Variants in WASF2 observed in about 807,000 individuals in gnomAD.
WASF2 encodes the protein actin-binding protein WASF2.
WASF2 carries 14 observed loss-of-function variants against 45.0 expected under a neutral mutation model. The ratio of observed to expected loss-of-function variants is 0.31; its 90% CI spans 0.21 to 0.49. The LOEUF (loss-of-function observed/expected upper bound fraction) is 0.49, where lower values mean the gene tolerates loss of function less well. WASF2 is among the 20% of genes least tolerant of loss of function. The pLI, the probability that WASF2 is intolerant of heterozygous loss-of-function variation, is 0.99. For missense variants in WASF2, 439 were observed against 636.1 expected, an observed-to-expected ratio of 0.69 and a Z score of 3.33; for synonymous variants, 200 against 236.3, an observed-to-expected ratio of 0.85 and a Z score of 1.41.
chr1:27,469,067 G>A (rs974776762), intron 1 of WASF2, among the ~76,000 whole-genome samples: 1 of 152,156 alleles, frequency 6.6e-6, no homozygotes, highest in South Asian at 2.1e-4. Flanking sequence ...GAAATTAATT[G>A]TGGAAATTTG....
chr1:27,405,288 G>A lies in WASF2; in HGVS notation c.*2901C>T, dbSNP rs1374048416. ...CTGGCTGAGCCTGCCCCCTCCCCCA[G>A]GCTGCTCCTTTGGAATGTACCCATC... On this transcript the variant is annotated 3_prime_UTR_variant, in exon 9 of 9. Transcript: ENST00000618852. 6.6e-6 allele frequency: 1 copy of A among 152,172 alleles called. No individual in the cohort carries two copies. The highest frequency in any genetic ancestry group is 2.4e-5 in the African/African-American group (1 of 41,414). The allele number at this position is 152,172 out of a possible 1,614,324, so 9.4% of individuals were successfully genotyped here.
At chr1:27,439,840 A>G (rs994963347) in intron 1 of WASF2, among the ~76,000 whole-genome samples, 5 of 152,066 alleles carry the variant, frequency 3.3e-5, no homozygotes, top group Non-Finnish European at 7.4e-5. Context: ...CTCTACAAAA[A>G]AAATTAAAAG....
At chr1:27,430,747 C>A (rs1313248641) in intron 1 of WASF2, among the ~76,000 whole-genome samples, 1 of 151,812 alleles carries the variant, frequency 6.6e-6, no homozygotes, top group African/African-American at 2.4e-5. Context: ...AAATGATCCT[C>A]CTACCTTAGC....
chr1:27,490,072 G>T lies in WASF2; in HGVS notation c.-130C>A, dbSNP rs570084306. On this transcript the variant is annotated 5_prime_UTR_variant, in exon 1 of 9. Coordinates refer to ENST00000618852, the MANE Select transcript of WASF2 (RefSeq NM_006990.5). ...AGAGTGTGCTCCCGCGGACCGCCTC[G>T]CGGGCTGCCAAACGGCCGGACCCCC... is the stretch of plus-strand genomic sequence containing the variant. 2.6e-5 allele frequency: 4 copies of T among 152,292 alleles called. No homozygotes were observed. Among genetic ancestry groups the T allele is most frequent in the African/African-American group, 9.6e-5 (4 of 41,560 alleles). 9.4% of individuals were successfully genotyped at this position (152,292 alleles called of 1,614,324 possible). A position where few individuals can be genotyped will look rare whatever the true frequency, so the allele number is the denominator to read the frequency against.
At chr1:27,432,361 G>T (rs551045938) in intron 1 of WASF2, among the ~76,000 whole-genome samples, 1 of 152,134 alleles carries the variant, frequency 6.6e-6, no homozygotes, top group African/African-American at 2.4e-5. Context: ...AAAAAAGGCA[G>T]TTATAGGCCG....
chr1:27,421,524 A>C (rs1374202481), intron 2 of WASF2, among the ~76,000 whole-genome samples: 7 of 151,988 alleles, frequency 4.6e-5, no homozygotes, highest in Non-Finnish European at 8.8e-5. Flanking sequence ...ATAAAATTAC[A>C]AAAAAATTAG....
chr1:27,470,405 C>G (rs2017673174), intron 1 of WASF2, among the ~76,000 whole-genome samples: 1 of 151,904 alleles, frequency 6.6e-6, no homozygotes, highest in Admixed American at 6.6e-5. Flanking sequence ...AAAGGTAACA[C>G]AGGACCTAAA....
At chr1:27,488,122 T>A (rs548363737) in intron 1 of WASF2, among the ~76,000 whole-genome samples, 1 of 152,288 alleles carries the variant, frequency 6.6e-6, no homozygotes, top group South Asian at 2.1e-4. Context: ...AAATACATAC[T>A]GGCTCCACTG....
At chr1:27,428,991 C>G in intron 1 of WASF2, 58 bp from the exon 2 acceptor site, 14 of 1,066,916 alleles carry the variant, frequency 1.3e-5, no homozygotes, top group Non-Finnish European at 1.8e-5. Flanking sequence ...CACACTAGGG[C>G]TGTGTGAATC....
chr1:27,443,392 T>C (rs1236243329), intron 1 of WASF2, among the ~76,000 whole-genome samples: 3 of 147,456 alleles, frequency 2.0e-5, no homozygotes, highest in African/African-American at 7.5e-5. Context: ...GGTGGGTGGA[T>C]CACCTGAGGT....
At chr1:27,443,856 C>T (rs2017278461) in intron 1 of WASF2, among the ~76,000 whole-genome samples, 1 of 152,010 alleles carries the variant, frequency 6.6e-6, no homozygotes, top group Non-Finnish European at 1.5e-5. Context: ...TCTCAGCTCA[C>T]TGCAACCTCC....
chr1:27,455,374 G>A (rs1000618602), intron 1 of WASF2, among the ~76,000 whole-genome samples: 1 of 152,034 alleles, frequency 6.6e-6, no homozygotes, highest in Admixed American at 6.6e-5. Context: ...CAGCACTAAG[G>A]TAAAACTGTA....
At chr1:27,431,645 C>T (rs564087741) in intron 1 of WASF2, among the ~76,000 whole-genome samples, 2 of 152,146 alleles carry the variant, frequency 1.3e-5, no homozygotes, top group South Asian at 4.1e-4. Context: ...AATGACAGGG[C>T]ATTCTGGACT....
At chr1:27,452,372 G>A (rs2017394879) in intron 1 of WASF2, among the ~76,000 whole-genome samples, 1 of 152,082 alleles carries the variant, frequency 6.6e-6, no homozygotes, top group South Asian at 2.1e-4. Flanking sequence ...AATTAGCTGG[G>A]CGTGGTGGTG....
chr1:27,464,280 C>T (rs1447207534), intron 1 of WASF2, among the ~76,000 whole-genome samples: 2 of 151,696 alleles, frequency 1.3e-5, no homozygotes, highest in Non-Finnish European at 2.9e-5. Flanking sequence ...ATTCAGGAGG[C>T]TAAGGCAGGA....
intron 4 of WASF2, among the ~76,000 whole-genome samples, chr1:27,416,402 G>A (rs2016826543): frequency 6.6e-6 from 1 of 152,114 alleles, no homozygotes; most frequent in Non-Finnish European, 1.5e-5. Context: ...TGATCTGCAT[G>A]GCCACAGAGA....
At chr1:27,452,382 G>A (rs1279099126) in intron 1 of WASF2, among the ~76,000 whole-genome samples, 2 of 152,050 alleles carry the variant, frequency 1.3e-5, no homozygotes, top group East Asian at 1.9e-4. Flanking sequence ...GCGTGGTGGT[G>A]CGCACCTGTA....
Position 27,419,723 on chromosome 1 carries a change from G to A in WASF2, c.131-635C>T, listed in dbSNP as rs543437059. ...ATTGGGAGTTCAGAGGACGTTCTACGTATCTAAAATTAACATGAAAAATAG... is the reference window on the plus strand; with the variant it reads ...ATTGGGAGTTCAGAGGACGTTCTACATATCTAAAATTAACATGAAAAATAG... On this transcript the variant is annotated intron_variant, in intron 2 of 8. Coordinates refer to ENST00000618852, the MANE Select transcript of WASF2 (RefSeq NM_006990.5). 1.6e-4 allele frequency among the ~76,000 whole-genome samples: 24 copies of A among 152,242 alleles called. No individual in the cohort carries two copies. In the South Asian group the frequency reaches 4.4e-3, roughly 28 times the overall value.
chr1:27,464,689 T>G (rs916650008), intron 1 of WASF2, among the ~76,000 whole-genome samples: 21 of 152,254 alleles, frequency 1.4e-4, no homozygotes, highest in African/African-American at 4.6e-4. Context: ...GAACAATCTT[T>G]ACCACTTAGA....
Sources: allele counts gnomAD v4.1 joint callset (sites outside exome capture counted in the v4.1 genomes callset), GRCh38; gene constraint gnomAD v4.1.1; transcripts MANE v1.5; gene names NCBI Gene and HGNC (gene_info 2026-07-23, HGNC 2026-07-21).